GNS: variants seen among roughly 807,000 people sequenced by gnomAD.
GNS encodes glucosamine (N-acetyl)-6-sulfatase.
A neutral mutation model predicts 69.7 loss-of-function variants in GNS; 40 were observed. The observed-to-expected ratio is 0.57, with a 90% confidence interval of 0.45 to 0.75. GNS has a LOEUF of 0.75. Ranked by LOEUF, GNS falls within the 30% of genes least tolerant of loss-of-function variation. The probability of loss-of-function intolerance (pLI) is 0.00; values close to 1 mark genes in which losing one functional copy is unlikely to be tolerated. For synonymous variants in GNS, 243 were observed against 251.6 expected, an observed-to-expected ratio of 0.97 and a Z score of 0.32; for missense variants, 565 against 685.5, an observed-to-expected ratio of 0.82 and a Z score of 1.96.
chr12:64,732,654 G>T (rs1359033471), intron 9 of GNS, among the ~76,000 whole-genome samples: 2 of 150,630 alleles, frequency 1.3e-5, no homozygotes, highest in African/African-American at 4.9e-5. Context: ...GTAGAGACGG[G>T]GTTTCACTGT....
At chr12:64,732,906 T>C (rs1031266794) in intron 9 of GNS, among the ~76,000 whole-genome samples, 7 of 152,088 alleles carry the variant, frequency 4.6e-5, no homozygotes, top group African/African-American at 1.7e-4. Context: ...GACAAAAAAA[T>C]AAATTATTTG....
chr12:64,759,228 G>C lies in GNS; in HGVS notation c.49C>G (p.Arg17Gly), dbSNP rs574024349. 6.5e-7 allele frequency: 1 copy of C among 1,545,172 alleles called. No individual in the cohort carries two copies. Among genetic ancestry groups the C allele is most frequent in the South Asian group, 1.2e-5 (1 of 83,788 alleles). ...APGRLRRGSP[R>G]HLPSCSPALL... ...GCTGGGCTGCAGGAGGGCAGGTGGCGGGGGCTGCCCCGCCGGAGCCGACCT... is the reference window on the plus strand; with the variant it reads ...GCTGGGCTGCAGGAGGGCAGGTGGCCGGGGCTGCCCCGCCGGAGCCGACCT... The change falls in exon 1 of 14, where the codon CGC becomes GGC. Residue 17 changes from arginine to glycine, a missense_variant. Physicochemically the swap from Arg to Gly is moderately radical, Grantham distance 125 (BLOSUM62 -2). Transcript: ENST00000258145.
At chr12:64,756,121 T>C (rs1702871777) in intron 1 of GNS, among the ~76,000 whole-genome samples, 5 of 152,140 alleles carry the variant, frequency 3.3e-5, no homozygotes, top group Non-Finnish European at 7.4e-5. Flanking sequence ...CTGGAACAAA[T>C]ACAATGAAAT....
Position 64,714,535 on chromosome 12 carries a change from T to C in GNS, c.*2206A>G, listed in dbSNP as rs1410230119. The C allele has an allele frequency of 6.6e-6, 1 of 152,092 alleles. No individual in the cohort carries two copies. The highest frequency in any genetic ancestry group is 2.4e-5 in the African/African-American group (1 of 41,402). The allele number at this position is 152,092 out of a possible 1,614,324, so 9.4% of individuals were successfully genotyped here. ...AAAAGAATTGGAAGCTATTTGAAGGTTAGATAGGAAATATACCAAAAATAG... is the reference window on the plus strand; with the variant it reads ...AAAAGAATTGGAAGCTATTTGAAGGCTAGATAGGAAATATACCAAAAATAG... On this transcript the variant is annotated 3_prime_UTR_variant, in exon 14 of 14. Coordinates refer to ENST00000258145, the MANE Select transcript of GNS (RefSeq NM_002076.4).
chr12:64,731,494 T>C (rs1869388666), intron 9 of GNS, among the ~76,000 whole-genome samples: 1 of 152,152 alleles, frequency 6.6e-6, no homozygotes, highest in South Asian at 2.1e-4. Context: ...CAGGACTCCT[T>C]CTCCCTAGAA....
chr12:64,733,053 T>C (rs933260506), intron 9 of GNS, among the ~76,000 whole-genome samples: 13 of 151,896 alleles, frequency 8.6e-5, no homozygotes, highest in Admixed American at 3.3e-4. Flanking sequence ...GGAGGGCTGA[T>C]TGCTTGAGCC....
rs988442450 is a variant in GNS at position 64,714,568 on chromosome 12, T to C, written c.*2173A>G. The C allele has an allele frequency of 1.3e-5, 2 of 152,118 alleles. No homozygotes were observed. Among genetic ancestry groups the C allele is most frequent in the Non-Finnish European group, 2.9e-5 (2 of 68,028 alleles). 9.4% of individuals were successfully genotyped at this position (152,118 alleles called of 1,614,324 possible). On this transcript the variant is annotated 3_prime_UTR_variant, in exon 14 of 14. Coordinates refer to ENST00000258145, the MANE Select transcript of GNS (RefSeq NM_002076.4). Reference sequence around the variant, plus strand: ...GAAATATACCAAAAATAGAAGAGCGTAGAGAGGGCTGCACCACATCCTACC... The same window carrying C: ...GAAATATACCAAAAATAGAAGAGCGCAGAGAGGGCTGCACCACATCCTACC...
chr12:64,728,135 G>A (rs1469620574), intron 10 of GNS, among the ~76,000 whole-genome samples: 1 of 152,128 alleles, frequency 6.6e-6, no homozygotes, highest in Admixed American at 6.5e-5. Flanking sequence ...ATGTTGGCCA[G>A]GATGGTCTCG....
chr12:64,747,102 T>C (rs769703514), intron 3 of GNS, among the ~76,000 whole-genome samples: 2 of 152,200 alleles, frequency 1.3e-5, no homozygotes, highest in African/African-American at 2.4e-5. Flanking sequence ...AATCCAGCCT[T>C]GACAGGTCAC....
intron 13 of GNS, among the ~76,000 whole-genome samples, chr12:64,719,247 A>G (rs987352774): frequency 6.6e-6 from 1 of 152,206 alleles, no homozygotes; most frequent in Non-Finnish European, 1.5e-5. Context: ...TAAAAAATTA[A>G]GTGATAACTT....
chr12:64,742,829 G>A (rs1051401483), intron 6 of GNS, among the ~76,000 whole-genome samples: 21 of 152,152 alleles, frequency 1.4e-4, no homozygotes, highest in African/African-American at 4.6e-4. Context: ...GTGCAGTCCC[G>A]GCTATGCCAG....
At chr12:64,752,356 T>C (rs149508213) in intron 2 of GNS, among the ~76,000 whole-genome samples, 11 of 152,358 alleles carry the variant, frequency 7.2e-5, no homozygotes, top group African/African-American at 2.4e-4. Flanking sequence ...TGTTGCTATT[T>C]GTCAGTTTTG....
chr12:64,716,124 G>A lies in GNS; in HGVS notation c.*617C>T, dbSNP rs1387549736. The A allele has an allele frequency of 6.3e-6, 1 of 159,970 alleles. No homozygotes were observed. The highest frequency in any genetic ancestry group is 2.4e-5 in the African/African-American group (1 of 41,504). 9.9% of individuals were successfully genotyped at this position (159,970 alleles called of 1,614,324 possible). A position where few individuals can be genotyped will look rare whatever the true frequency, so the allele number is the denominator to read the frequency against. ...ACCAGCCTAGAATTCACAAAAACAT[G>A]AACAGAGCTTGGGTGACATGTTTTG... On this transcript the variant is annotated 3_prime_UTR_variant, in exon 14 of 14. Transcript: ENST00000258145.
intron 6 of GNS, among the ~76,000 whole-genome samples, chr12:64,742,911 A>G (rs1869791582): frequency 6.6e-6 from 1 of 152,182 alleles, no homozygotes; most frequent in Non-Finnish European, 1.5e-5. Flanking sequence ...GAAAGATGGC[A>G]TTCTTTACCA....
intron 10 of GNS, among the ~76,000 whole-genome samples, chr12:64,725,745 C>T (rs2136239029): frequency 6.6e-6 from 1 of 151,726 alleles, no homozygotes; most frequent in South Asian, 2.1e-4. Context: ...GCCTGTAATC[C>T]CAGCACTTTA....
intron 5 of GNS, 48 bp from the exon 6 acceptor site, chr12:64,743,356 G>T: frequency 7.7e-7 from 1 of 1,304,586 alleles, no homozygotes; most frequent in Non-Finnish European, 1.1e-6. Context: ...CAACAGATGA[G>T]TATTTAATAG....
At chr12:64,734,986 C>G (rs545888456) in intron 9 of GNS, among the ~76,000 whole-genome samples, 1 of 152,204 alleles carries the variant, frequency 6.6e-6, no homozygotes, top group South Asian at 2.1e-4. Context: ...TGGCAGGTAC[C>G]TATAGTCCTA....
chr12:64,736,403 C>A (rs1869557072), intron 9 of GNS, among the ~76,000 whole-genome samples: 1 of 152,124 alleles, frequency 6.6e-6, no homozygotes, highest in African/African-American at 2.4e-5. Flanking sequence ...TTTTTGATAG[C>A]CTTATACTCA....
intron 1 of GNS, chr12:64,756,563 T>C: frequency 1.7e-6 from 1 of 592,262 alleles, no homozygotes; most frequent in Non-Finnish European, 3.0e-6. Flanking sequence ...CTTAGTCATG[T>C]CACTTAACCA....
Sources: gnomAD v4.1 joint callset for allele counts (sites outside exome capture counted in the v4.1 genomes callset) on GRCh38, gnomAD v4.1.1 for gene constraint, MANE v1.5 for transcripts, NCBI Gene and HGNC (gene_info 2026-07-23, HGNC 2026-07-21) for gene names.